The following NUBPL variants were observed in gnomAD, a reference collection of about 807,000 sequenced individuals.
NUBPL encodes the protein iron-sulfur cluster transfer protein NUBPL.
In NUBPL, 31 loss-of-function variants were observed where a neutral mutation model predicts 45.7. The observed-to-expected ratio is 0.68, with a 90% CI of 0.51 to 0.92. The LOEUF is 0.92. Ranked by LOEUF, NUBPL falls within the 40% of genes least tolerant of loss-of-function variation. The probability of loss-of-function intolerance (pLI) is 0.00; values close to 1 mark genes in which losing one functional copy is unlikely to be tolerated. For synonymous variants in NUBPL, 144 were observed against 140.9 expected, an observed-to-expected ratio of 1.02 and a Z score of -0.15; for missense variants, 401 against 398.7, an observed-to-expected ratio of 1.01 and a Z score of -0.05.
At chr14:31,766,048 C>T (rs1327661723) in intron 6 of NUBPL, among the ~76,000 whole-genome samples, 2 of 152,132 alleles carry the variant, frequency 1.3e-5, no homozygotes, top group Non-Finnish European at 2.9e-5. Flanking sequence ...GGCCCAAGCC[C>T]TTACTGAGTT....
chr14:31,583,372 A>G (rs2033914030), intron 3 of NUBPL, among the ~76,000 whole-genome samples: 1 of 152,228 alleles, frequency 6.6e-6, no homozygotes, highest in South Asian at 2.1e-4. Context: ...GCATTTCTGT[A>G]AAGCACGTTT....
At chr14:31,638,433 T>C (rs558835979) in intron 4 of NUBPL, among the ~76,000 whole-genome samples, 1 of 152,038 alleles carries the variant, frequency 6.6e-6, no homozygotes, top group Non-Finnish European at 1.5e-5. Context: ...CTCTTCTGGC[T>C]TGTAGAGTTT....
intron 3 of NUBPL, among the ~76,000 whole-genome samples, chr14:31,572,452 A>C (rs2139466570): frequency 1.3e-5 from 2 of 152,270 alleles, no homozygotes; most frequent in Middle Eastern, 6.8e-3. Flanking sequence ...CTAGATTCTT[A>C]TGATTAAGAA....
chr14:31,613,310 G>A (rs1458735112), intron 4 of NUBPL, among the ~76,000 whole-genome samples: 1 of 152,102 alleles, frequency 6.6e-6, no homozygotes, highest in Non-Finnish European at 1.5e-5. Context: ...GGTAGTAGGG[G>A]AGTTGAGGGG....
At chr14:31,672,266 A>G (rs921074444) in intron 4 of NUBPL, among the ~76,000 whole-genome samples, 7 of 94,450 alleles carry the variant, frequency 7.4e-5, no homozygotes, top group Non-Finnish European at 1.0e-4. Flanking sequence ...GGAAGGACTG[A>G]TTAGATATGT....
In NUBPL at chr14:31,756,432, A is replaced by T. The variant is rs139452959; in HGVS notation, c.514-31348A>T. On this transcript the variant is annotated intron_variant, in intron 6 of 10. Transcript: ENST00000281081. Reference sequence around the variant, plus strand: ...GTCCTTCACGTCCCTTGTAAGTTGGATTCCTAGGAGTTTTATTCTGTTTGA... The same window carrying T: ...GTCCTTCACGTCCCTTGTAAGTTGGTTTCCTAGGAGTTTTATTCTGTTTGA... Among the ~76,000 whole-genome samples the T allele has an allele frequency of 1.1e-3, 167 of 152,106 alleles. 2 individuals carry two copies. The highest frequency in any genetic ancestry group is 3.7e-3 in the African/African-American group (155 of 41,414).
chr14:31,689,443 A>G (rs1037626780), intron 6 of NUBPL, among the ~76,000 whole-genome samples: 2 of 152,140 alleles, frequency 1.3e-5, no homozygotes. Context: ...TTTTATTCAT[A>G]TGCTTGTTGG....
chr14:31,561,817 T>C (rs1355228989), intron 1 of NUBPL: 1 of 593,454 alleles, frequency 1.7e-6, no homozygotes, highest in East Asian at 2.8e-5. Context: ...GTGGAAGCCT[T>C]ATCTCCGTAA....
chr14:31,650,163 C>G (rs1014699684), intron 4 of NUBPL, among the ~76,000 whole-genome samples: 4 of 152,012 alleles, frequency 2.6e-5, no homozygotes, highest in African/African-American at 9.7e-5. Flanking sequence ...AAAATATTAG[C>G]CATGTATACA....
chr14:31,656,355 T>A (rs958887499), intron 4 of NUBPL, among the ~76,000 whole-genome samples: 1 of 152,182 alleles, frequency 6.6e-6, no homozygotes, highest in African/African-American at 2.4e-5. Flanking sequence ...TACAAGAACT[T>A]TTCCTTTGCA....
intron 9 of NUBPL, among the ~76,000 whole-genome samples, chr14:31,847,435 G>A (rs1476612192): frequency 1.3e-5 from 2 of 152,126 alleles, no homozygotes; most frequent in Admixed American, 1.3e-4. Flanking sequence ...TACATTGTAC[G>A]CACTGTTCAT....
At chr14:31,734,042 A>T (rs1331764820) in intron 6 of NUBPL, among the ~76,000 whole-genome samples, 1 of 152,124 alleles carries the variant, frequency 6.6e-6, no homozygotes, top group Non-Finnish European at 1.5e-5. Context: ...TTTCTCCTTT[A>T]TTCTGCTAAT....
At chr14:31,784,347 TAGTCATGA>T (rs1307169758) in intron 6 of NUBPL, among the ~76,000 whole-genome samples, 6 of 152,204 alleles carry the variant, frequency 3.9e-5, no homozygotes, top group Admixed American at 1.3e-4. Context: ...GACAATGTGA[TAGTCATGA>T]AGTCATGAAG....
In NUBPL at chr14:31,841,917, C is replaced by CTTTTGTTTTTTTTTTTT; in HGVS notation, c.694-4550_694-4549insGTTTTTTTTTTTTTTTT. On this transcript the variant is annotated intron_variant, in intron 8 of 10. Coordinates refer to ENST00000281081, the MANE Select transcript of NUBPL (RefSeq NM_025152.3). ...CTTTCATGTATGGGTCGATTCTGGG[C>CTTTTGTTTTTTTTTTTT]TTTTTTTTTTTTTTTTTTTTTTTTT... Among the ~76,000 whole-genome samples, 284 of 43,038 alleles carry CTTTTGTTTTTTTTTTTT rather than the reference C, an allele frequency of 6.6e-3. 25 individuals are homozygous for CTTTTGTTTTTTTTTTTT. The highest frequency in any genetic ancestry group is 9.9e-3 in the Non-Finnish European group (233 of 23,460). The allele number at this position is 43,038 out of a possible 152,430, so 28.2% of individuals were successfully genotyped here. A position where few individuals can be genotyped will look rare whatever the true frequency, so the allele number is the denominator to read the frequency against.
At chr14:31,682,091 C>G (rs956322328) in intron 6 of NUBPL, among the ~76,000 whole-genome samples, 1 of 152,004 alleles carries the variant, frequency 6.6e-6, no homozygotes, top group Admixed American at 6.6e-5. Context: ...ATTGATTTGT[C>G]TAGTTACTGT....
intron 6 of NUBPL, among the ~76,000 whole-genome samples, chr14:31,674,489 G>A (rs1305666270): frequency 6.6e-6 from 1 of 151,810 alleles, no homozygotes; most frequent in Non-Finnish European, 1.5e-5. Context: ...TAAGTCTCTT[G>A]GTTTCATTTT....
intron 4 of NUBPL, among the ~76,000 whole-genome samples, chr14:31,672,134 T>C (rs116068186): frequency 4.6e-4 from 70 of 152,348 alleles, no homozygotes; most frequent in African/African-American, 1.7e-3. Flanking sequence ...ATAGATTGCT[T>C]TTCTCTACAG....
At chr14:31,746,887 T>C (rs1343174863) in intron 6 of NUBPL, among the ~76,000 whole-genome samples, 2 of 151,810 alleles carry the variant, frequency 1.3e-5, no homozygotes, top group South Asian at 2.1e-4. Context: ...CTGGGCAATA[T>C]GGTGAAACAC....
At chr14:31,597,079 C>T (rs2034303261) in intron 3 of NUBPL, among the ~76,000 whole-genome samples, 1 of 152,128 alleles carries the variant, frequency 6.6e-6, no homozygotes, top group South Asian at 2.1e-4. Flanking sequence ...CGTCCTTAAT[C>T]CCTTTGCTCC....
Sources: allele counts gnomAD v4.1 joint callset (sites outside exome capture counted in the v4.1 genomes callset), GRCh38; gene constraint gnomAD v4.1.1; transcripts MANE v1.5; gene names NCBI Gene and HGNC (gene_info 2026-07-23, HGNC 2026-07-21).